The following SLC24A2 variants were observed in gnomAD, a reference collection of about 807,000 sequenced individuals.
The protein encoded by SLC24A2 is sodium/potassium/calcium exchanger 2.
In SLC24A2, 36 loss-of-function variants were observed where a neutral mutation model predicts 62.0. That is an observed-to-expected ratio of 0.58 (90% CI 0.44 to 0.77). The LOEUF (loss-of-function observed/expected upper bound fraction) is 0.77. SLC24A2 is among the 30% of genes least tolerant of loss of function. The probability of loss-of-function intolerance (pLI) is 0.00; values close to 1 mark genes in which losing one functional copy is unlikely to be tolerated. For synonymous variants in SLC24A2, 358 were observed against 294.0 expected (o/e 1.22, Z -2.23); for missense variants, 846 against 817.9 (o/e 1.03, Z -0.42).
At chr9:20,240,456 C>A in the SLC24A2 span, among the ~76,000 whole-genome samples, 6 of 152,130 alleles carry the variant, frequency 3.9e-5, no homozygotes, top group Admixed American at 6.5e-5. Flanking sequence ...GTCTCATTCC[C>A]AAGCATCACG....
chr9:19,711,761 AC>A (rs1213154052), intron 2 of SLC24A2, among the ~76,000 whole-genome samples: 1 of 152,212 alleles, frequency 6.6e-6, no homozygotes, highest in African/African-American at 2.4e-5. Context: ...ACTGAGTAAT[AC>A]TCATACCTTA....
chr9:20,295,099 C>T, the SLC24A2 span, among the ~76,000 whole-genome samples: 2 of 151,342 alleles, frequency 1.3e-5, no homozygotes, highest in African/African-American at 4.9e-5. Context: ...GTGTGTATTG[C>T]AACCTCAAGA....
the SLC24A2 span, among the ~76,000 whole-genome samples, chr9:19,876,667 ATGT>A: frequency 6.6e-6 from 1 of 152,138 alleles, no homozygotes; most frequent in Non-Finnish European, 1.5e-5. Flanking sequence ...ATTATGAAAG[ATGT>A]TTTTATTACA....
At chr9:19,575,477 G>A (rs915899886) in intron 6 of SLC24A2, among the ~76,000 whole-genome samples, 3 of 152,224 alleles carry the variant, frequency 2.0e-5, no homozygotes, top group Admixed American at 6.5e-5. Flanking sequence ...TATCTAACCT[G>A]TGTGTGCACA....
intron 9 of SLC24A2, among the ~76,000 whole-genome samples, chr9:19,526,567 G>C (rs1000673792): frequency 6.6e-6 from 1 of 152,074 alleles, no homozygotes; most frequent in African/African-American, 2.4e-5. Flanking sequence ...GTGGTATCTT[G>C]TTATGGTTTT....
the SLC24A2 span, among the ~76,000 whole-genome samples, chr9:20,229,557 TG>T: frequency 6.6e-6 from 1 of 152,074 alleles, no homozygotes; most frequent in Non-Finnish European, 1.5e-5. Context: ...AGCAAGGGCC[TG>T]GGGATACAAA....
At chr9:19,758,852 T>C (rs974764477) in intron 2 of SLC24A2, among the ~76,000 whole-genome samples, 3 of 152,304 alleles carry the variant, frequency 2.0e-5, no homozygotes, top group Non-Finnish European at 4.4e-5. Context: ...AATCAGAAAG[T>C]TGGAGCTAGA....
chr9:19,829,142 T>A, the SLC24A2 span, among the ~76,000 whole-genome samples: 1 of 152,220 alleles, frequency 6.6e-6, no homozygotes, highest in African/African-American at 2.4e-5. Flanking sequence ...ACCTTCTTCA[T>A]GTACCTGAAA....
the SLC24A2 span, chr9:19,930,034 T>A: frequency 6.6e-6 from 1 of 152,364 alleles, no homozygotes; most frequent in African/African-American, 2.4e-5. Flanking sequence ...TTTTAAAAAT[T>A]ACAGCGTTTA....
the SLC24A2 span, among the ~76,000 whole-genome samples, chr9:19,896,937 G>A: frequency 2.6e-5 from 4 of 152,126 alleles, no homozygotes; most frequent in African/African-American, 9.7e-5. Flanking sequence ...TTAAGAGTTG[G>A]GAAAAATCTA....
At chr9:19,698,147 A>G (rs1820246851) in intron 2 of SLC24A2, among the ~76,000 whole-genome samples, 1 of 152,162 alleles carries the variant, frequency 6.6e-6, no homozygotes, top group Admixed American at 6.6e-5. Context: ...TGAAAACCCA[A>G]AATCTGAAAT....
the SLC24A2 span, among the ~76,000 whole-genome samples, chr9:20,118,998 A>G: frequency 6.6e-6 from 1 of 152,138 alleles, no homozygotes; most frequent in Non-Finnish European, 1.5e-5. Context: ...GCTGGCTTTG[A>G]AGAAGTGGCC....
the SLC24A2 span, among the ~76,000 whole-genome samples, chr9:20,218,036 G>A: frequency 6.6e-6 from 1 of 152,204 alleles, no homozygotes; most frequent in Non-Finnish European, 1.5e-5. Context: ...GGTATGATCT[G>A]TGGATTGGGG....
the SLC24A2 span, among the ~76,000 whole-genome samples, chr9:20,164,328 G>A: frequency 2.6e-5 from 4 of 152,030 alleles, no homozygotes; most frequent in African/African-American, 9.7e-5. Flanking sequence ...CAAAGGACAT[G>A]AACAGACACT....
the SLC24A2 span, among the ~76,000 whole-genome samples, chr9:20,253,854 C>T: frequency 2.5e-4 from 38 of 152,236 alleles, no homozygotes; most frequent in Non-Finnish European, 5.0e-4. Flanking sequence ...AGGTGTATGT[C>T]ATGACCCGTT....
At chr9:20,247,551 G>A in the SLC24A2 span, among the ~76,000 whole-genome samples, 1 of 152,144 alleles carries the variant, frequency 6.6e-6, no homozygotes, top group African/African-American at 2.4e-5. Flanking sequence ...AAAGTGAGAA[G>A]TCAATTGTCT....
chr9:20,268,442 T>C, the SLC24A2 span, among the ~76,000 whole-genome samples: 3 of 152,142 alleles, frequency 2.0e-5, no homozygotes, highest in East Asian at 5.8e-4. Context: ...TATGGATTAA[T>C]GAATTAATGG....
intron 2 of SLC24A2, among the ~76,000 whole-genome samples, chr9:19,680,989 C>T (rs1456059382): frequency 2.6e-5 from 4 of 151,906 alleles, no homozygotes; most frequent in Admixed American, 2.0e-4. Flanking sequence ...GCCCTGTCTG[C>T]CTTCATCCCA....
chr9:20,300,632 CA>C, the SLC24A2 span, among the ~76,000 whole-genome samples: 1 of 152,148 alleles, frequency 6.6e-6, no homozygotes, highest in East Asian at 1.9e-4. Flanking sequence ...AGTCCCCACC[CA>C]AGAACATTTC....
Sources: allele counts gnomAD v4.1 joint callset (sites outside exome capture counted in the v4.1 genomes callset), GRCh38; gene constraint gnomAD v4.1.1; transcripts MANE v1.5; gene names NCBI Gene and HGNC (gene_info 2026-07-23, HGNC 2026-07-21).